Variants in VPS13B observed in about 807,000 individuals in gnomAD.
VPS13B encodes vacuolar protein sorting 13 homolog B.
A neutral mutation model predicts 426.4 loss-of-function variants in VPS13B; 285 were observed. The observed-to-expected ratio is 0.67, with a 90% confidence interval of 0.61 to 0.74. The LOEUF (loss-of-function observed/expected upper bound fraction) is 0.74, where lower values mean the gene tolerates loss of function less well. Ranked by LOEUF, VPS13B falls within the 30% of genes least tolerant of loss-of-function variation. The pLI is 0.00. For missense variants in VPS13B, 4,537 were observed against 4,782.6 expected, an observed-to-expected ratio of 0.95 and a Z score of 1.51; for synonymous variants, 1,676 against 1,676.4, an observed-to-expected ratio of 1.00 and a Z score of 0.01.
intron 16 of VPS13B, among the ~76,000 whole-genome samples, chr8:99,177,962 T>C (rs1203402285): frequency 6.6e-6 from 1 of 152,174 alleles, no homozygotes; most frequent in Non-Finnish European, 1.5e-5. Context: ...TCTTTCATTA[T>C]TTTTGTGAGG....
At chr8:99,604,019 T>G (rs946105219) in intron 33 of VPS13B, among the ~76,000 whole-genome samples, 1 of 152,130 alleles carries the variant, frequency 6.6e-6, no homozygotes, top group African/African-American at 2.4e-5. Flanking sequence ...TTTCTAAAAT[T>G]TAAGACTGGA....
chr8:99,461,473 A>C (rs1818828960), intron 23 of VPS13B, among the ~76,000 whole-genome samples: 1 of 152,164 alleles, frequency 6.6e-6, no homozygotes, highest in South Asian at 2.1e-4. Context: ...TGTGACTTTC[A>C]TTAATGATCT....
chr8:99,720,736 A>T, intron 38 of VPS13B, 127 bp from the exon 39 acceptor site: 1 of 1,118,498 alleles, frequency 8.9e-7, no homozygotes. Flanking sequence ...CTGTTCCAGA[A>T]TATATATAAA....
intron 56 of VPS13B, 69 bp downstream of exon 56, chr8:99,854,325 ACCT>A: frequency 6.5e-7 from 1 of 1,534,408 alleles, no homozygotes; most frequent in Non-Finnish European, 8.8e-7. Context: ...TGGGGGTAGC[ACCT>A]CATTTCAAGA....
At chr8:99,433,726 T>C (rs944779493) in intron 22 of VPS13B, among the ~76,000 whole-genome samples, 4 of 152,198 alleles carry the variant, frequency 2.6e-5, no homozygotes, top group Admixed American at 2.6e-4. Flanking sequence ...AAAAAAATAG[T>C]ATTCAAGGAG....
intron 17 of VPS13B, among the ~76,000 whole-genome samples, chr8:99,247,512 T>G (rs1237275040): frequency 6.6e-6 from 1 of 152,210 alleles, no homozygotes; most frequent in Non-Finnish European, 1.5e-5. Context: ...TACTTCCTGA[T>G]CTTTAATGGG....
chr8:99,504,374 A>T (rs1821390825), intron 27 of VPS13B, among the ~76,000 whole-genome samples: 1 of 152,218 alleles, frequency 6.6e-6, no homozygotes, highest in African/African-American at 2.4e-5. Flanking sequence ...CCTTTATAGC[A>T]ATGCAAAATG....
intron 30 of VPS13B, among the ~76,000 whole-genome samples, chr8:99,554,053 G>C (rs1296867071): frequency 6.6e-6 from 1 of 151,978 alleles, no homozygotes; most frequent in East Asian, 1.9e-4. Flanking sequence ...GAAATTTCAA[G>C]CCTAAAAGCA....
intron 24 of VPS13B, among the ~76,000 whole-genome samples, chr8:99,471,942 T>C (rs1244140867): frequency 6.6e-6 from 1 of 152,118 alleles, no homozygotes. Flanking sequence ...TACCGTATAA[T>C]ACCTAAGATT....
chr8:99,770,417 T>C (rs1811426324), intron 40 of VPS13B, among the ~76,000 whole-genome samples: 1 of 149,654 alleles, frequency 6.7e-6, no homozygotes. Context: ...ACCCATTGCC[T>C]GTTTCCAAAG....
At chr8:99,407,836 G>C (rs1173865101) in intron 21 of VPS13B, among the ~76,000 whole-genome samples, 2 of 152,088 alleles carry the variant, frequency 1.3e-5, no homozygotes, top group Non-Finnish European at 2.9e-5. Flanking sequence ...AATGTAATAA[G>C]ATTCAGAAGT....
At chr8:99,241,690 A>C (rs1414994715) in intron 17 of VPS13B, among the ~76,000 whole-genome samples, 3 of 152,228 alleles carry the variant, frequency 2.0e-5, no homozygotes, top group Admixed American at 6.5e-5. Flanking sequence ...TATTCAAAAG[A>C]ACCTTTGAAA....
At chr8:99,028,215 A>G (rs1001475490) in intron 2 of VPS13B, among the ~76,000 whole-genome samples, 9 of 151,660 alleles carry the variant, frequency 5.9e-5, no homozygotes, top group East Asian at 2.0e-4. Context: ...CCCATCCCCA[A>G]TGAGCCGCTG....
Position 99,819,541 on chromosome 8 carries a change from G to T in VPS13B, c.8751G>T (p.Ser2917=), listed in dbSNP as rs775883776. The T allele has an allele frequency of 1.2e-6, 2 of 1,613,654 alleles. No individual in the cohort carries two copies. The highest frequency in any genetic ancestry group is 1.7e-6 in the Non-Finnish European group (2 of 1,179,820). ...ACGAATTCTATGGGCCAGAAAAGTCGCTTCAACCCATATGGCCCTATAATA... is the reference window on the plus strand; with the variant it reads ...ACGAATTCTATGGGCCAGAAAAGTCTCTTCAACCCATATGGCCCTATAATA... ...ILDEFYGPEK[S]LQPIWPYNKK... Residue 2917 remains serine (S), a synonymous_variant, in exon 48 of 62, where the codon TCG becomes TCT. Transcript: ENST00000357162.
chr8:99,509,955 C>T (rs1169283117), intron 28 of VPS13B, among the ~76,000 whole-genome samples: 1 of 151,908 alleles, frequency 6.6e-6, no homozygotes, highest in Non-Finnish European at 1.5e-5. Context: ...TTATAGTGTG[C>T]AATTTGGATA....
chr8:99,579,634 G>A (rs753743608), intron 33 of VPS13B, among the ~76,000 whole-genome samples: 4 of 151,786 alleles, frequency 2.6e-5, no homozygotes, highest in Middle Eastern at 3.2e-3. Context: ...TCGTGACCTC[G>A]TGATCTGCCC....
chr8:99,359,977 A>G (rs942064073), intron 19 of VPS13B, among the ~76,000 whole-genome samples: 3 of 151,718 alleles, frequency 2.0e-5, no homozygotes, highest in African/African-American at 7.3e-5. Context: ...TAACTTTTGT[A>G]TTTTTAGTAG....
chr8:99,568,289 TATTATTATTA>T (rs1563800957), intron 31 of VPS13B, among the ~76,000 whole-genome samples: 1 of 148,292 alleles, frequency 6.7e-6, no homozygotes. Flanking sequence ...TTATTATTAT[TATTATTATTA>T]TTTTTTTTTG....
Position 99,654,956 on chromosome 8 carries a change from A to T in VPS13B, c.5909-6398A>T, listed in dbSNP as rs144777253. On this transcript the variant is annotated intron_variant, in intron 34 of 61. Coordinates refer to ENST00000357162, the MANE Select transcript of VPS13B (RefSeq NM_152564.5). ...CTCTAAGCACTCACCTGCTACCCTA[A>T]CTCCTCTTTAGGTGTTTCCTCCTAC... Among the ~76,000 whole-genome samples, 32 of 151,834 alleles carry T rather than the reference A, an allele frequency of 2.1e-4. No homozygotes were observed. In the East Asian group the frequency reaches 6.2e-3, roughly 29 times the overall value.
Sources: allele counts gnomAD v4.1 joint callset (sites outside exome capture counted in the v4.1 genomes callset), GRCh38; gene constraint gnomAD v4.1.1; transcripts MANE v1.5; gene names NCBI Gene and HGNC (gene_info 2026-07-23, HGNC 2026-07-21).